The following GHR variants were observed in gnomAD, a reference collection of about 807,000 sequenced individuals.
GHR encodes the protein GH receptor.
A neutral mutation model predicts 67.1 loss-of-function variants in GHR; 35 were observed. That is an observed-to-expected ratio of 0.52 (90% confidence interval 0.40 to 0.69). The LOEUF (loss-of-function observed/expected upper bound fraction) is 0.69. Ranked by LOEUF, GHR falls within the 30% of genes least tolerant of loss-of-function variation. GHR has a pLI of 0.00. For synonymous variants in GHR, 272 were observed against 269.1 expected (o/e 1.01, Z -0.10); for missense variants, 792 against 764.6 (o/e 1.04, Z -0.42).
At position 42,588,527 on chromosome 5, in the gene GHR, A is replaced by AAAAAAAAAAAG. The variant is rs1491290848; in HGVS notation, c.70+22593_70+22594insGAAAAAAAAAA. Among the ~76,000 whole-genome samples, 20 of 18,378 alleles carry AAAAAAAAAAAG rather than the reference A, an allele frequency of 1.1e-3. 1 individual carries two copies. The allele number at this position is 18,378 out of a possible 152,430, so 12.1% of individuals were successfully genotyped here. On this transcript the variant is annotated intron_variant, in intron 2 of 9. Coordinates refer to ENST00000230882, the MANE Select transcript of GHR (RefSeq NM_000163.5). ...GGCAGCAAAAGCGAAACTCCATCTC[A>AAAAAAAAAAAG]AAAAAAAAAAAAAAAAAAAAAAAAG...
At chr5:42,595,872 C>T (rs1381441596) in intron 2 of GHR, among the ~76,000 whole-genome samples, 2 of 152,188 alleles carry the variant, frequency 1.3e-5, no homozygotes, top group East Asian at 1.9e-4. Flanking sequence ...ATCTGGCTGA[C>T]GTGGCACTGC....
chr5:42,712,002 A>G (rs541314890), intron 7 of GHR, among the ~76,000 whole-genome samples: 1 of 152,286 alleles, frequency 6.6e-6, no homozygotes, highest in African/African-American at 2.4e-5. Context: ...TGAATTTAGA[A>G]TAAAAGAATT....
At chr5:42,678,074 T>G (rs1422340195) in intron 3 of GHR, among the ~76,000 whole-genome samples, 1 of 152,184 alleles carries the variant, frequency 6.6e-6, no homozygotes, top group Non-Finnish European at 1.5e-5. Context: ...TTTACATAGA[T>G]TAGCTCACTT....
At position 42,592,045 on chromosome 5, in the gene GHR, A is replaced by G. The variant is rs751674537; in HGVS notation, c.70+26101A>G. Among the ~76,000 whole-genome samples, 70 of 152,174 alleles carry G rather than the reference A, an allele frequency of 4.6e-4. No individual in the cohort carries two copies. The Middle Eastern group carries it at 0.01, about 22-fold the overall frequency. ...CCCACTGAGAAAGCAAGCAGACTCAACAGTTTTTCAGTGTTTCAGGGAGCC... is the reference window on the plus strand; with the variant it reads ...CCCACTGAGAAAGCAAGCAGACTCAGCAGTTTTTCAGTGTTTCAGGGAGCC... On this transcript the variant is annotated intron_variant, in intron 2 of 9. Coordinates refer to ENST00000230882, the MANE Select transcript of GHR (RefSeq NM_000163.5).
At chr5:42,505,405 A>T (rs1204937225) in intron 1 of GHR, among the ~76,000 whole-genome samples, 6 of 151,606 alleles carry the variant, frequency 4.0e-5, no homozygotes, top group Non-Finnish European at 7.4e-5. Flanking sequence ...CTCAGCAAAC[A>T]TTTTTTGAGC....
At chr5:42,535,465 G>T (rs991878371) in intron 1 of GHR, among the ~76,000 whole-genome samples, 3 of 151,968 alleles carry the variant, frequency 2.0e-5, no homozygotes, top group African/African-American at 7.2e-5. Flanking sequence ...TCAGTTAGCT[G>T]TAATATTTGG....
At chr5:42,443,611 GGTGT>G (rs750169625) in intron 1 of GHR, among the ~76,000 whole-genome samples, 1 of 150,576 alleles carries the variant, frequency 6.6e-6, no homozygotes. Flanking sequence ...GGACCAGTAG[GGTGT>G]GTGTGTGTGT....
rs960748520 is a variant in GHR, at chr5:42,721,164, T to G, written c.*1740T>G. 5 of 152,196 alleles carry G rather than the reference T, an allele frequency of 3.3e-5. No homozygotes were observed. Among genetic ancestry groups the G allele is most frequent in the African/African-American group, 1.2e-4 (5 of 41,430 alleles). 9.4% of individuals were successfully genotyped at this position (152,196 alleles called of 1,614,324 possible). ...TGGTCTCGATCTCCTGACCTCGTGA[T>G]CCACCCGACTCGGCCTCCCAAAGTG... On this transcript the variant is annotated 3_prime_UTR_variant, in exon 10 of 10. Coordinates refer to ENST00000230882, the MANE Select transcript of GHR (RefSeq NM_000163.5).
At chr5:42,470,874 T>C (rs1187169178) in intron 1 of GHR, among the ~76,000 whole-genome samples, 1 of 152,206 alleles carries the variant, frequency 6.6e-6, no homozygotes, top group Admixed American at 6.5e-5. Flanking sequence ...CCTTCCAACC[T>C]GCTTTTCCAT....
chr5:42,541,813 T>C (rs1466791414), intron 1 of GHR, among the ~76,000 whole-genome samples: 1 of 152,120 alleles, frequency 6.6e-6, no homozygotes, highest in African/African-American at 2.4e-5. Context: ...AGTGAAAGAA[T>C]AGAGGAAAGG....
intron 3 of GHR, among the ~76,000 whole-genome samples, chr5:42,636,209 C>CAAAAA (rs11373491): frequency 1.2e-5 from 1 of 81,924 alleles, no homozygotes. Flanking sequence ...GACCCCGTTT[C>CAAAAA]AAAAAAAAAA....
intron 3 of GHR, among the ~76,000 whole-genome samples, chr5:42,643,081 GT>G (rs1464470910): frequency 6.6e-6 from 1 of 152,012 alleles, no homozygotes; most frequent in African/African-American, 2.4e-5. Flanking sequence ...AGGTACCAAG[GT>G]TTAGGACTTG....
At chr5:42,529,425 T>A (rs1409813858) in intron 1 of GHR, among the ~76,000 whole-genome samples, 1 of 152,234 alleles carries the variant, frequency 6.6e-6, no homozygotes. Flanking sequence ...AAGGTATGTC[T>A]GTATTCAAGT....
intron 3 of GHR, among the ~76,000 whole-genome samples, chr5:42,660,927 C>A (rs1755573951): frequency 6.6e-6 from 1 of 152,110 alleles, no homozygotes; most frequent in Non-Finnish European, 1.5e-5. Flanking sequence ...GCTGATGGAG[C>A]TGAAAACCAA....
chr5:42,698,316 A>G (rs577983538), intron 5 of GHR, among the ~76,000 whole-genome samples: 2 of 152,222 alleles, frequency 1.3e-5, no homozygotes, highest in South Asian at 2.1e-4. Context: ...CATATCCTCT[A>G]TTTTTCAAAT....
intron 1 of GHR, among the ~76,000 whole-genome samples, chr5:42,538,971 G>A (rs1265821683): frequency 6.6e-6 from 1 of 152,024 alleles, no homozygotes; most frequent in Non-Finnish European, 1.5e-5. Context: ...TTTTATTGCT[G>A]AGACTTTCCA....
intron 3 of GHR, among the ~76,000 whole-genome samples, chr5:42,657,699 C>T (rs1230776896): frequency 2.0e-5 from 3 of 152,226 alleles, no homozygotes; most frequent in Non-Finnish European, 4.4e-5. Context: ...TGTAACTTCT[C>T]TATGAAGTAC....
At chr5:42,539,064 T>A (rs4493680) in intron 1 of GHR, among the ~76,000 whole-genome samples, 53,148 of 151,818 alleles carry the variant, frequency 0.35, 10,585 homozygotes, top group African/African-American at 0.55. Context: ...TTCCTTAAAT[T>A]TTTCTCCTTT....
intron 1 of GHR, among the ~76,000 whole-genome samples, chr5:42,429,677 T>C (rs894620986): frequency 2.6e-5 from 4 of 152,240 alleles, no homozygotes; most frequent in Non-Finnish European, 4.4e-5. Context: ...TAATACTGTG[T>C]GGGTAAATAA....
Sources: gnomAD v4.1 joint callset for allele counts (sites outside exome capture counted in the v4.1 genomes callset) on GRCh38, gnomAD v4.1.1 for gene constraint, MANE v1.5 for transcripts, NCBI Gene and HGNC (gene_info 2026-07-23, HGNC 2026-07-21) for gene names.